POU6F2: variants seen among roughly 807,000 people sequenced by gnomAD.
POU6F2 encodes POU class 6 homeobox 2, also known as POU domain, class 6, transcription factor 2.
In POU6F2, 31 loss-of-function variants were observed where a neutral mutation model predicts 71.3. The observed-to-expected ratio is 0.43, with a 90% CI of 0.33 to 0.59. The LOEUF (loss-of-function observed/expected upper bound fraction) is 0.59. POU6F2 is among the 20% of genes least tolerant of loss of function. The probability of loss-of-function intolerance (pLI) is 0.04; values close to 1 mark genes in which losing one functional copy is unlikely to be tolerated. For synonymous variants in POU6F2, 347 were observed against 355.7 expected (o/e 0.98, Z 0.27); for missense variants, 783 against 856.8 (o/e 0.91, Z 1.07).
chr7:39,387,866 A>G (rs1211961482), intron 5 of POU6F2, among the ~76,000 whole-genome samples: 1 of 152,310 alleles, frequency 6.6e-6, no homozygotes, highest in African/African-American at 2.4e-5. Flanking sequence ...GTGCACATCT[A>G]ACATGTTCAT....
chr7:39,032,559 G>A (rs2177798), intron 1 of POU6F2, among the ~76,000 whole-genome samples: 7,568 of 152,198 alleles, frequency 0.05, 300 homozygotes, highest in African/African-American at 0.096. Context: ...TGAAAGTAGC[G>A]CATCCTGTGG....
chr7:39,149,369 GT>G (rs1792694761), intron 2 of POU6F2, among the ~76,000 whole-genome samples: 1 of 151,980 alleles, frequency 6.6e-6, no homozygotes, highest in African/African-American at 2.4e-5. Flanking sequence ...AATATCCAGT[GT>G]TTTTATTTAT....
chr7:39,024,632 G>A lies in POU6F2; in HGVS notation c.105+46574G>A, dbSNP rs1038008814. ...GTTTTTGCCCATTCAGTATGATATT[G>A]GCTGTGGGTTTGTCATAGACAGCTC... On this transcript the variant is annotated intron_variant, in intron 1 of 9. Transcript: ENST00000518318. Among the ~76,000 whole-genome samples the A allele has an allele frequency of 9.9e-5, 15 of 152,198 alleles. No individual in the cohort carries two copies. In the East Asian group the frequency reaches 2.5e-3, roughly 26 times the overall value.
At chr7:39,157,346 T>C (rs934003670) in intron 2 of POU6F2, among the ~76,000 whole-genome samples, 1 of 152,168 alleles carries the variant, frequency 6.6e-6, no homozygotes, top group Non-Finnish European at 1.5e-5. Context: ...TAAAGTCCCT[T>C]GTGGATCTGT....
chr7:39,429,585 A>T (rs971282863), intron 6 of POU6F2, among the ~76,000 whole-genome samples: 56 of 152,116 alleles, frequency 3.7e-4, no homozygotes, highest in Non-Finnish European at 7.2e-4. Context: ...AGAGAGAAGC[A>T]GTATTAGGCT....
chr7:39,279,963 T>G (rs1784530470), intron 4 of POU6F2, among the ~76,000 whole-genome samples: 1 of 152,110 alleles, frequency 6.6e-6, no homozygotes, highest in African/African-American at 2.4e-5. Context: ...GCCAGGCTGG[T>G]CTCGAACTCC....
intron 1 of POU6F2, among the ~76,000 whole-genome samples, chr7:39,008,662 C>T (rs1278016012): frequency 5.3e-5 from 8 of 150,232 alleles, no homozygotes; most frequent in East Asian, 3.9e-4. Context: ...TTAGGTCTAA[C>T]GTTTAAGTCT....
intron 2 of POU6F2, among the ~76,000 whole-genome samples, chr7:39,096,758 T>G (rs1283968000): frequency 1.3e-5 from 2 of 151,534 alleles, no homozygotes; most frequent in African/African-American, 4.8e-5. Context: ...AAAAAAAAAA[T>G]GACTTAAAAT....
chr7:39,389,204 G>A (rs2115826515), intron 5 of POU6F2, among the ~76,000 whole-genome samples: 1 of 152,294 alleles, frequency 6.6e-6, no homozygotes, highest in East Asian at 1.9e-4. Context: ...AGGGGAAAGA[G>A]TGTAGCAACA....
At chr7:39,203,417 G>GT (rs1793945656) in intron 2 of POU6F2, among the ~76,000 whole-genome samples, 1 of 152,146 alleles carries the variant, frequency 6.6e-6, no homozygotes, top group Non-Finnish European at 1.5e-5. Flanking sequence ...ATTGCCACTG[G>GT]TTTTATTTGT....
At chr7:39,149,939 G>T (rs1792714753) in intron 2 of POU6F2, among the ~76,000 whole-genome samples, 1 of 149,516 alleles carries the variant, frequency 6.7e-6, no homozygotes, top group Admixed American at 6.7e-5. Flanking sequence ...AGGCTGGAGT[G>T]CAGTGGCACA....
chr7:39,040,536 T>C (rs558403761), intron 1 of POU6F2, among the ~76,000 whole-genome samples: 15 of 151,928 alleles, frequency 9.9e-5, no homozygotes, highest in East Asian at 3.9e-4. Context: ...GTAAACTTGG[T>C]TTTGAAAAAA....
At chr7:39,350,533 G>A (rs1291127703) in intron 5 of POU6F2, among the ~76,000 whole-genome samples, 1 of 152,178 alleles carries the variant, frequency 6.6e-6, no homozygotes, top group Admixed American at 6.5e-5. Context: ...TCCATGGAAG[G>A]AATCTGACCA....
intron 5 of POU6F2, among the ~76,000 whole-genome samples, chr7:39,358,904 A>G (rs1388645193): frequency 1.3e-5 from 2 of 151,838 alleles, no homozygotes; most frequent in East Asian, 3.9e-4. Flanking sequence ...GTATGACAAG[A>G]AGATGCTTTT....
chr7:39,254,302 A>G (rs1783977513), intron 4 of POU6F2, among the ~76,000 whole-genome samples: 1 of 152,196 alleles, frequency 6.6e-6, no homozygotes, highest in Admixed American at 6.5e-5. Context: ...CCATTAAAAT[A>G]CCGTCCCATC....
At chr7:39,008,955 A>G (rs368092558) in intron 1 of POU6F2, among the ~76,000 whole-genome samples, 4 of 151,882 alleles carry the variant, frequency 2.6e-5, no homozygotes, top group Admixed American at 6.6e-5. Flanking sequence ...GTCAGGTAGC[A>G]TGATGCCTCC....
In POU6F2 at chr7:39,292,462, C is replaced by T. The variant is rs118162174; in HGVS notation, c.599-47180C>T. 8.1e-4 allele frequency among the ~76,000 whole-genome samples: 123 copies of T among 152,300 alleles called. 4 individuals carry two copies. The East Asian group carries it at 0.022, about 28-fold the overall frequency. On this transcript the variant is annotated intron_variant, in intron 4 of 9. Transcript: ENST00000518318. ...CAAGCACTAAACAGTTTGTGCTCGG[C>T]CCATCTTTGTGTCCACCAACAGAGC... is the stretch of plus-strand genomic sequence containing the variant.
At chr7:39,295,345 G>A (rs1373034098) in intron 4 of POU6F2, among the ~76,000 whole-genome samples, 1 of 152,186 alleles carries the variant, frequency 6.6e-6, no homozygotes, top group Non-Finnish European at 1.5e-5. Flanking sequence ...GCCCAGTGCG[G>A]TGGCTCACGC....
intron 7 of POU6F2, among the ~76,000 whole-genome samples, chr7:39,445,589 GA>G (rs1467246220): frequency 6.6e-6 from 1 of 152,144 alleles, no homozygotes; most frequent in Non-Finnish European, 1.5e-5. Context: ...AAGCCTCTCT[GA>G]ATGCCAAAAG....
Sources: allele counts gnomAD v4.1 joint callset (sites outside exome capture counted in the v4.1 genomes callset), GRCh38; gene constraint gnomAD v4.1.1; transcripts MANE v1.5; gene names NCBI Gene and HGNC (gene_info 2026-07-23, HGNC 2026-07-21).